Variants in URB2 observed in about 807,000 individuals in gnomAD.
URB2 encodes the protein URB2 ribosome biogenesis homolog, also known as unhealthy ribosome biogenesis protein 2 homolog.
URB2 carries 86 observed loss-of-function variants against 120.9 expected under a neutral mutation model. The ratio of observed to expected loss-of-function variants is 0.71; its 90% CI spans 0.60 to 0.85. URB2 has a LOEUF of 0.85. Among genes scored for constraint, URB2 ranks in the 40% least tolerant of loss-of-function variants. The pLI is 0.00. For synonymous variants in URB2, 755 were observed against 758.4 expected (o/e 1.00, Z 0.07); for missense variants, 1,765 against 1,836.5 (o/e 0.96, Z 0.71).
intron 8 of URB2, among the ~76,000 whole-genome samples, chr1:229,652,214 C>A (rs1666296293): frequency 6.6e-6 from 1 of 151,646 alleles, no homozygotes; most frequent in Non-Finnish European, 1.5e-5. Flanking sequence ...AAAAAAATTG[C>A]ATGAATTTCG....
chr1:229,659,068 T>C lies in URB2; in HGVS notation c.4378-32T>C, dbSNP rs1236790233. The stretch of plus-strand genomic sequence containing the variant: ...GGTGCGGCTTGATCTCTGCCCCCAA[T>C]TGTTCTCACAGAGGTTTGCCTTTTT... On this transcript the variant is annotated intron_variant, in intron 9 of 9. Coordinates refer to ENST00000258243, the MANE Select transcript of URB2 (RefSeq NM_014777.4). The C allele has an allele frequency of 3.8e-6, 6 of 1,596,572 alleles. No homozygotes were observed. The African/African-American group carries it at 8.0e-5, about 21-fold the overall frequency.
rs1235024885 is a variant in URB2, at chr1:229,647,698, C to T, written c.4095C>T (p.Ser1365=). 13 of 1,613,982 alleles carry T rather than the reference C, an allele frequency of 8.1e-6. No individual in the cohort carries two copies. The highest frequency in any genetic ancestry group is 1.1e-5 in the Non-Finnish European group (13 of 1,180,032). ...ATCTGAAGCCGCTGGAGTATGGAAGCGTCTTCCCGAGGCTGCACAACGTGC... is the reference window on the plus strand; with the variant it reads ...ATCTGAAGCCGCTGGAGTATGGAAGTGTCTTCCCGAGGCTGCACAACGTGC... The part of the protein sequence containing the change: ...LDHLKPLEYG[S]VFPRLHNVLF... Residue 1365 remains serine (S), a synonymous_variant, in exon 7 of 10, where the codon AGC becomes AGT. Transcript: ENST00000258243.
rs1426624392 is a variant in URB2, at chr1:229,635,143, T to C, written c.530T>C (p.Leu177Pro). 6.2e-7 allele frequency: 1 copy of C among 1,614,086 alleles called. No homozygotes were observed. The highest frequency in any genetic ancestry group is 1.1e-5 in the South Asian group (1 of 91,086). The change falls in exon 4 of 10, where the codon CTT (leucine) becomes CCT (proline). Residue 177 changes from leucine to proline, a missense_variant. Transcript: ENST00000258243. ...TTGTTTGAGGTCATTCACCTGGCCC[T>C]TGGCCATTATCTCTTGATCCTGCAG... Reference protein sequence around the residue: ...AQLFEVIHLALGHYLLILQQQ... With the variant: ...AQLFEVIHLAPGHYLLILQQQ...
At position 229,651,291 on chromosome 1, in the gene URB2, A is replaced by G; in HGVS notation, c.4206A>G (p.Ser1402=). The change falls in exon 8 of 10, where the codon TCA becomes TCG. Residue 1402 remains serine (S), a synonymous_variant. Coordinates refer to ENST00000258243, the MANE Select transcript of URB2 (RefSeq NM_014777.4). ...FLNSFNRLVF[S]VMREGRQKDK... is the part of the protein sequence containing the mutation. Reference sequence around the variant, plus strand: ...ACTCTTTCAATAGATTGGTGTTTTCAGTTATGCGGGAAGGGCGGCAGAAGG... The same window carrying G: ...ACTCTTTCAATAGATTGGTGTTTTCGGTTATGCGGGAAGGGCGGCAGAAGG... 6.2e-7 allele frequency: 1 copy of G among 1,612,542 alleles called. No homozygotes were observed. Among genetic ancestry groups the G allele is most frequent in the Non-Finnish European group, 8.5e-7 (1 of 1,179,266 alleles).
In URB2 at chr1:229,634,963, G is replaced by A; in HGVS notation, c.350G>A (p.Arg117Lys). The part of the protein sequence containing the change: ...VAEFSLSGSQ[R>K]NICAVLRCCQ... ...GAGTTCTCTCTTTCGGGATCCCAAAGAAACATCTGTGCTGTCCTTCGATGT... is the reference window on the plus strand; with the variant it reads ...GAGTTCTCTCTTTCGGGATCCCAAAAAAACATCTGTGCTGTCCTTCGATGT... Residue 117 changes from arginine to lysine, a missense_variant, in exon 4 of 10, where the codon AGA (arginine) becomes AAA (lysine). Physicochemically the swap from Arg to Lys is conservative, Grantham distance 26. Transcript: ENST00000258243. The A allele has an allele frequency of 2.6e-6, 4 of 1,554,478 alleles. No homozygotes were observed. The highest frequency in any genetic ancestry group is 3.5e-6 in the Non-Finnish European group (4 of 1,150,292).
In URB2 at chr1:229,645,876, T is replaced by TA. The variant is rs1329328190; in HGVS notation, c.3814dup (p.Thr1272AsnfsTer112). On this transcript the variant is annotated frameshift_variant, in exon 6 of 10. Transcript: ENST00000258243. LOFTEE classifies it high-confidence loss of function. ...TGCCCCAGGCTGTTGTGTCAGCTGT[T>TA]ACACTGCTGAGGCTGCTACTGAACT... 1.9e-6 allele frequency: 3 copies of TA among 1,614,006 alleles called. No individual in the cohort carries two copies. Among genetic ancestry groups the TA allele is most frequent in the African/African-American group, 1.3e-5 (1 of 74,922 alleles).
In URB2 at chr1:229,659,583, T is replaced by C. The variant is rs3820361; in HGVS notation, c.*286T>C. ...AAATTGCTGACTCTTGGGACCTTTC[T>C]GTGTTTGGTTCTCGTCTTGGCTCAG... On this transcript the variant is annotated 3_prime_UTR_variant, in exon 10 of 10. Coordinates refer to ENST00000258243, the MANE Select transcript of URB2 (RefSeq NM_014777.4). 110,975 of 261,718 alleles carry C rather than the reference T, an allele frequency of 0.42. 24,230 individuals carry two copies. Among genetic ancestry groups the C allele is most frequent in the Middle Eastern group, 0.48 (388 of 812 alleles). 16.2% of individuals were successfully genotyped at this position (261,718 alleles called of 1,614,324 possible). A position where few individuals can be genotyped will look rare whatever the true frequency, so the allele number is the denominator to read the frequency against.
rs1665688648 is a variant in URB2, at chr1:229,632,331, G to A, written c.189G>A (p.Lys63=). ...TTTATAAGAAAAAGCTTGAACTGAA[G>A]GAAGATATTGTTGAAAGGCTTTGGA... ...VAFYKKKLEL[K]EDIVERLWIY... Residue 63 remains lysine (K), a synonymous_variant, in exon 3 of 10, where the codon AAG becomes AAA. Coordinates refer to ENST00000258243, the MANE Select transcript of URB2 (RefSeq NM_014777.4). 1 of 1,594,840 alleles carries A rather than the reference G, an allele frequency of 6.3e-7. No individual in the cohort carries two copies. The highest frequency in any genetic ancestry group is 8.5e-7 in the Non-Finnish European group (1 of 1,174,148).
chr1:229,651,454 C>A, intron 8 of URB2, 132 bp downstream of exon 8: 1 of 666,864 alleles, frequency 1.5e-6, no homozygotes, highest in Non-Finnish European at 2.2e-6. Flanking sequence ...AATGAATACT[C>A]AAAATATATA....
intron 2 of URB2, among the ~76,000 whole-genome samples, chr1:229,628,151 A>G (rs1249855622): frequency 2.5e-5 from 3 of 118,818 alleles, no homozygotes; most frequent in East Asian, 2.1e-4. Context: ...TATATAATAT[A>G]TATAGTATAT....
At chr1:229,657,025 C>T (rs1666421650) in intron 9 of URB2, among the ~76,000 whole-genome samples, 1 of 152,144 alleles carries the variant, frequency 6.6e-6, no homozygotes, top group Non-Finnish European at 1.5e-5. Flanking sequence ...TGCTCCTTGA[C>T]TTAATGATGC....
rs1193315510 is a variant in URB2, at chr1:229,637,892, G to A, written c.3279G>A (p.Leu1093=). ...CTGAGCTGCTGCAGCAGGTTGTGCT[G>A]CAGACAGGAGCTGTGCTGCAGCTCT... ...ALSELLQQVV[L]QTGAVLQLCS... Residue 1093 remains leucine, a synonymous_variant, in exon 4 of 10, where the codon CTG becomes CTA. Transcript: ENST00000258243. 2 of 1,601,628 alleles carry A rather than the reference G, an allele frequency of 1.2e-6. No homozygotes were observed. Among genetic ancestry groups the A allele is most frequent in the Non-Finnish European group, 1.7e-6 (2 of 1,174,844 alleles).
At chr1:229,630,380 A>T (rs139026072) in intron 2 of URB2, among the ~76,000 whole-genome samples, 1 of 152,312 alleles carries the variant, frequency 6.6e-6, no homozygotes, top group African/African-American at 2.4e-5. Flanking sequence ...GTACATCTCC[A>T]TCGGAGCTCT....
In URB2 at chr1:229,659,499, A is replaced by G. The variant is rs1666474686; in HGVS notation, c.*202A>G. ...TATTTTTTAATACATAGTTTTATGC[A>G]GTAAGTATTGCAATAGAATCCTGAA... is the stretch of plus-strand genomic sequence containing the variant. On this transcript the variant is annotated 3_prime_UTR_variant, in exon 10 of 10. Transcript: ENST00000258243. 4.0e-6 allele frequency: 2 copies of G among 504,776 alleles called. No individual in the cohort carries two copies. The highest frequency in any genetic ancestry group is 6.5e-5 in the East Asian group (2 of 30,578). The allele number at this position is 504,776 out of a possible 1,614,324, so 31.3% of individuals were successfully genotyped here.
intron 3 of URB2, 95 bp from the exon 4 acceptor site, chr1:229,634,822 A>G: frequency 8.8e-7 from 1 of 1,138,704 alleles, no homozygotes; most frequent in African/African-American, 1.6e-5. Flanking sequence ...GATGAGGGAA[A>G]GGGGTGAGTT....
intron 2 of URB2, among the ~76,000 whole-genome samples, chr1:229,628,065 A>G (rs1665556978): frequency 1.4e-5 from 2 of 147,048 alleles, no homozygotes; most frequent in African/African-American, 2.5e-5. Flanking sequence ...ACTGGACAAC[A>G]TAATGAGATC....
chr1:229,630,771 T>G (rs111571346), intron 2 of URB2, among the ~76,000 whole-genome samples: 3,784 of 152,094 alleles, frequency 0.025, 151 homozygotes, highest in African/African-American at 0.084. Flanking sequence ...GTGGATCACC[T>G]GAGGCCAGGC....
chr1:229,648,010 G>A (rs185952245), intron 7 of URB2, among the ~76,000 whole-genome samples: 4 of 152,226 alleles, frequency 2.6e-5, no homozygotes, highest in African/African-American at 9.6e-5. Context: ...GTATACTACA[G>A]GTTGAACACT....
intron 7 of URB2, 22 bp from the exon 8 acceptor site, chr1:229,651,213 A>G (rs753736993): frequency 1.9e-6 from 3 of 1,584,720 alleles, no homozygotes; most frequent in Middle Eastern, 1.7e-4. Flanking sequence ...GTACTTTTAC[A>G]TTCTGTTATC....
Sources: gnomAD v4.1 joint callset for allele counts (sites outside exome capture counted in the v4.1 genomes callset) on GRCh38, gnomAD v4.1.1 for gene constraint, MANE v1.5 for transcripts, NCBI Gene and HGNC (gene_info 2026-07-23, HGNC 2026-07-21) for gene names.